Variants in DNAJB14 observed in about 807,000 individuals in gnomAD.
The protein encoded by DNAJB14 is DnaJ heat shock protein family (Hsp40) member B14, also known as dnaJ homolog subfamily B member 14.
Under a neutral mutation model 48.4 loss-of-function variants are expected in DNAJB14, and 22 were observed. That is an observed-to-expected ratio of 0.45 (90% confidence interval 0.32 to 0.65). The LOEUF (loss-of-function observed/expected upper bound fraction) is 0.65. DNAJB14 is among the 30% of genes least tolerant of loss of function. The pLI is 0.03. For synonymous variants in DNAJB14, 142 were observed against 158.7 expected (o/e 0.89, Z 0.79); for missense variants, 319 against 458.8 (o/e 0.70, Z 2.78).
At chr4:99,939,089 C>T (rs1215760205) in intron 1 of DNAJB14, among the ~76,000 whole-genome samples, 1 of 152,150 alleles carries the variant, frequency 6.6e-6, no homozygotes, top group Non-Finnish European at 1.5e-5. Flanking sequence ...CAGCCGGGTA[C>T]AGTGGCTCAC....
intron 7 of DNAJB14, among the ~76,000 whole-genome samples, chr4:99,902,908 G>A (rs1042016143): frequency 6.6e-6 from 1 of 152,008 alleles, no homozygotes; most frequent in African/African-American, 2.4e-5. Context: ...AATGTGCTTG[G>A]GACAGTGACT....
At position 99,899,019 on chromosome 4, in the gene DNAJB14, A is replaced by G. The variant is rs2110188366; in HGVS notation, c.*2009T>C. 6.6e-6 allele frequency: 1 copy of G among 152,070 alleles called. No homozygotes were observed. Among genetic ancestry groups the G allele is most frequent in the Admixed American group, 6.5e-5 (1 of 15,276 alleles). The allele number at this position is 152,070 out of a possible 1,614,324, so 9.4% of individuals were successfully genotyped here. On this transcript the variant is annotated 3_prime_UTR_variant, in exon 8 of 8. Transcript: ENST00000442697. ...TCAAACACATTTTCCCTAGCATTTT[A>G]TGAAATTTAATGGAATGCAGCACTG...
At chr4:99,918,980 C>T (rs1238283231) in intron 3 of DNAJB14, among the ~76,000 whole-genome samples, 1 of 152,126 alleles carries the variant, frequency 6.6e-6, no homozygotes, top group Admixed American at 6.5e-5. Context: ...TTCTCTGTTA[C>T]CATCCCAGCA....
intron 7 of DNAJB14, among the ~76,000 whole-genome samples, chr4:99,901,473 C>A (rs1177399452): frequency 6.6e-6 from 1 of 152,040 alleles, no homozygotes; most frequent in Non-Finnish European, 1.5e-5. Flanking sequence ...GACTCTTTTC[C>A]TAAAAATATT....
intron 2 of DNAJB14, chr4:99,923,794 C>T: frequency 1.0e-6 from 1 of 970,636 alleles, no homozygotes; most frequent in South Asian, 4.8e-5. Flanking sequence ...CCATCTCAGC[C>T]TTCCAAAGTG....
chr4:99,928,102 A>G (rs1042171857), intron 2 of DNAJB14: 1 of 152,262 alleles, frequency 6.6e-6, no homozygotes, highest in African/African-American at 2.4e-5. Flanking sequence ...CCAGAGGACC[A>G]ATCTCTAATA....
intron 1 of DNAJB14, among the ~76,000 whole-genome samples, chr4:99,934,387 A>G (rs1726592067): frequency 6.6e-6 from 1 of 152,212 alleles, no homozygotes; most frequent in Non-Finnish European, 1.5e-5. Flanking sequence ...ATAAATACAC[A>G]CCATAAACAC....
chr4:99,926,153 T>G (rs934525182), intron 2 of DNAJB14: 11 of 152,210 alleles, frequency 7.2e-5, no homozygotes, highest in Non-Finnish European at 1.3e-4. Context: ...TTGCTGCCCC[T>G]CTTATATCCT....
At chr4:99,919,583 T>TAAAA (rs1458813697) in intron 3 of DNAJB14, among the ~76,000 whole-genome samples, 2 of 123,158 alleles carry the variant, frequency 1.6e-5, no homozygotes, top group Non-Finnish European at 3.4e-5. Context: ...GACTCCATCT[T>TAAAA]AAAAAACAAA....
chr4:99,921,161 G>A (rs899044014), intron 3 of DNAJB14, among the ~76,000 whole-genome samples: 1 of 152,122 alleles, frequency 6.6e-6, no homozygotes, highest in African/African-American at 2.4e-5. Flanking sequence ...TGAAAAATGG[G>A]CTCATCAGCC....
chr4:99,928,088 T>C (rs1025447395), intron 2 of DNAJB14: 1 of 152,216 alleles, frequency 6.6e-6, no homozygotes, highest in African/African-American at 2.4e-5. Context: ...AATGAGATTA[T>C]TGACCAGAGG....
In DNAJB14 at chr4:99,908,765, C is replaced by G; in HGVS notation, c.583G>C (p.Asp195His). ...RFNFHRGCEA[D>H]ITPEDLFNIF... ...TTAAACAAGTCTTCTGGAGTTATAT[C>G]AGCTTCACAACCTCTATGGAAATTA... is the stretch of plus-strand genomic sequence containing the variant. Residue 195 changes from aspartate (D) to histidine (H), a missense_variant, in exon 4 of 8, where the codon GAT (aspartate) becomes CAT (histidine). Around this residue, in one of 3 missense-constraint regions of DNAJB14, gnomAD observed 166 missense variants for 236.3 expected, o/e 0.70. Transcript: ENST00000442697. The G allele has an allele frequency of 3.1e-6, 5 of 1,610,168 alleles. No homozygotes were observed. The highest frequency in any genetic ancestry group is 3.4e-6 in the Non-Finnish European group (4 of 1,178,324).
chr4:99,940,641 C>T (rs1013337859), intron 1 of DNAJB14, among the ~76,000 whole-genome samples: 5 of 151,752 alleles, frequency 3.3e-5, no homozygotes, highest in Non-Finnish European at 7.4e-5. Context: ...TTATAAATCC[C>T]CTTCCAACCC....
chr4:99,922,824 G>GT (rs1726109432), intron 3 of DNAJB14: 3 of 437,370 alleles, frequency 6.9e-6, no homozygotes. Flanking sequence ...ACTTGAGACT[G>GT]TATCAGAACT....
intron 1 of DNAJB14, among the ~76,000 whole-genome samples, chr4:99,934,789 CAAAAAAAAAAAAAAAA>C (rs1167945149): frequency 1.5e-4 from 1 of 6,776 alleles, no homozygotes; most frequent in Admixed American, 3.0e-3. Context: ...AAGACTGTCT[CAAAAAAAAAAAAAAAA>C]AAAAAAAAAA....
chr4:99,931,733 CAT>C (rs70958338), intron 1 of DNAJB14, among the ~76,000 whole-genome samples: 15,414 of 145,782 alleles, frequency 0.11, 1,109 homozygotes, highest in East Asian at 0.35. Context: ...GAATTATTAC[CAT>C]ATATATATAT....
At chr4:99,908,922 G>A in intron 3 of DNAJB14, 26 bp from the exon 4 acceptor site, 2 of 1,466,092 alleles carry the variant, frequency 1.4e-6, no homozygotes, top group Non-Finnish European at 9.0e-7. Context: ...GTAAAAGTTG[G>A]TAAGCAAAGT....
At position 99,946,548 on chromosome 4, in the gene DNAJB14, A is replaced by G. The variant is rs1042187472; in HGVS notation, c.24T>C (p.Ala8=). The G allele has an allele frequency of 1.2e-6, 2 of 1,613,752 alleles. No individual in the cohort carries two copies. The highest frequency in any genetic ancestry group is 1.7e-6 in the Non-Finnish European group (2 of 1,179,776). The change falls in exon 1 of 8, where the codon GCT becomes GCC. Residue 8 remains alanine (A), a synonymous_variant. Coordinates refer to ENST00000442697, the MANE Select transcript of DNAJB14 (RefSeq NM_001031723.4). The part of the protein sequence containing the change: MEGNRDE[A]EKCVEIAREA... ...CCCGGGCGATCTCGACACATTTCTC[A>G]GCCTCATCCCTGTTCCCCTCCATAG... is the stretch of plus-strand genomic sequence containing the variant.
chr4:99,907,028 G>C, intron 4 of DNAJB14, among the ~76,000 whole-genome samples: 1 of 152,210 alleles, frequency 6.6e-6, no homozygotes, highest in East Asian at 1.9e-4. Context: ...TTAAAAAATA[G>C]CCCTATAATA....
Sources: gnomAD v4.1 joint callset for allele counts (sites outside exome capture counted in the v4.1 genomes callset) on GRCh38, gnomAD v4.1.1 for gene constraint, gnomAD v4.1.1 regional missense constraint, MANE v1.5 for transcripts, NCBI Gene and HGNC (gene_info 2026-07-23, HGNC 2026-07-21) for gene names.